The following LMBR1 variants were observed in gnomAD, a reference collection of about 807,000 sequenced individuals.
LMBR1 encodes limb development membrane protein 1, also known as limb region 1 protein homolog.
A neutral mutation model predicts 73.9 loss-of-function variants in LMBR1; 52 were observed. The observed-to-expected ratio is 0.70, with a 90% CI of 0.56 to 0.89. The LOEUF is 0.89. Among genes scored for constraint, LMBR1 ranks in the 40% least tolerant of loss-of-function variants. LMBR1 has a pLI of 0.00. For missense variants in LMBR1, 539 were observed against 579.8 expected, an observed-to-expected ratio of 0.93 and a Z score of 0.72; for synonymous variants, 215 against 209.4, an observed-to-expected ratio of 1.03 and a Z score of -0.23.
At chr7:156,842,334 T>C (rs1196504981) in intron 1 of LMBR1, among the ~76,000 whole-genome samples, 2 of 143,108 alleles carry the variant, frequency 1.4e-5, no homozygotes, top group African/African-American at 2.5e-5. Context: ...CGGGGGGAGA[T>C]TTGTACAGGG....
intron 9 of LMBR1, among the ~76,000 whole-genome samples, chr7:156,739,926 G>A (rs982228138): frequency 6.6e-6 from 1 of 152,106 alleles, no homozygotes; most frequent in African/African-American, 2.4e-5. Context: ...ACCAATCCTG[G>A]AGAAAGAGAA....
chr7:156,823,986 A>C (rs948938133), intron 4 of LMBR1: 6 of 152,208 alleles, frequency 3.9e-5, no homozygotes, highest in Non-Finnish European at 8.8e-5. Context: ...GCTACTTAGG[A>C]GGCTGAGGCA....
At chr7:156,674,136 C>T (rs1429771973), downstream of LMBR1, among the ~76,000 whole-genome samples, 1 of 152,210 alleles carries the variant, frequency 6.6e-6, no homozygotes, top group African/African-American at 2.4e-5. Flanking sequence ...AATAACCCCC[C>T]GAATTTCAGT....
At chr7:156,842,468 C>A (rs936880530) in intron 1 of LMBR1, among the ~76,000 whole-genome samples, 1 of 152,130 alleles carries the variant, frequency 6.6e-6, no homozygotes, top group African/African-American at 2.4e-5. Context: ...AGTGACCTTG[C>A]AGCTGCGCAG....
intron 15 of LMBR1, among the ~76,000 whole-genome samples, chr7:156,696,015 A>T (rs1808210912): frequency 6.6e-6 from 1 of 152,240 alleles, no homozygotes; most frequent in South Asian, 2.1e-4. Context: ...CAGTATGGAA[A>T]AAAACCCCTC....
At chr7:156,687,956 A>G (rs1806324318) in intron 16 of LMBR1, 74 bp downstream of exon 16, 2 of 1,319,106 alleles carry the variant, frequency 1.5e-6, no homozygotes, top group South Asian at 3.1e-5. Flanking sequence ...AAATAGCTGA[A>G]GATGTAATAT....
At chr7:156,749,996 G>C (rs1211251026) in intron 9 of LMBR1, among the ~76,000 whole-genome samples, 1 of 152,106 alleles carries the variant, frequency 6.6e-6, no homozygotes, top group Non-Finnish European at 1.5e-5. Flanking sequence ...TGAGAATCAA[G>C]CAGGAAAGTA....
intron 4 of LMBR1, among the ~76,000 whole-genome samples, chr7:156,815,961 T>C (rs965663436): frequency 6.6e-6 from 1 of 152,010 alleles, no homozygotes; most frequent in African/African-American, 2.4e-5. Flanking sequence ...CTTTCTATTG[T>C]TATTGATCCA....
intron 4 of LMBR1, among the ~76,000 whole-genome samples, chr7:156,800,081 T>G (rs1033811227): frequency 6.6e-6 from 1 of 152,200 alleles, no homozygotes; most frequent in Non-Finnish European, 1.5e-5. Flanking sequence ...AAGCAGCAAG[T>G]GCTGATGGAG....
At chr7:156,839,897 A>G (rs1210835264) in intron 1 of LMBR1, among the ~76,000 whole-genome samples, 1 of 152,206 alleles carries the variant, frequency 6.6e-6, no homozygotes, top group Non-Finnish European at 1.5e-5. Context: ...AAGATGGGCC[A>G]AAGAGGAAAA....
intron 5 of LMBR1, chr7:156,779,709 G>T (rs1177781916): frequency 1.6e-6 from 2 of 1,284,884 alleles, no homozygotes; most frequent in Non-Finnish European, 2.0e-6. Context: ...TTTAAACAAG[G>T]TTTTGCCTGG....
At chr7:156,703,993 A>G (rs1294606798) in intron 15 of LMBR1, among the ~76,000 whole-genome samples, 1 of 152,194 alleles carries the variant, frequency 6.6e-6, no homozygotes, top group Admixed American at 6.5e-5. Context: ...ACAAGGGCAA[A>G]GTGCTTGGAA....
chr7:156,675,388 T>A (rs1217116320), downstream of LMBR1, among the ~76,000 whole-genome samples: 2 of 152,196 alleles, frequency 1.3e-5, no homozygotes, highest in Non-Finnish European at 2.9e-5. Context: ...CGGTCCCTCC[T>A]GCAGCTGTCA....
intron 1 of LMBR1, among the ~76,000 whole-genome samples, chr7:156,891,099 G>A (rs1343441237): frequency 1.4e-5 from 2 of 147,602 alleles, no homozygotes; most frequent in South Asian, 2.1e-4. Context: ...GCTGAGGTAG[G>A]AGAATCACTT....
intron 4 of LMBR1, among the ~76,000 whole-genome samples, chr7:156,797,812 T>A (rs1308596950): frequency 6.6e-6 from 1 of 152,344 alleles, no homozygotes; most frequent in South Asian, 2.1e-4. Flanking sequence ...AAAATCTACA[T>A]GGATTTAACA....
downstream of LMBR1, among the ~76,000 whole-genome samples, chr7:156,675,288 G>A (rs557620656): frequency 6.6e-6 from 1 of 152,344 alleles, no homozygotes; most frequent in Admixed American, 6.5e-5. Context: ...CCTGTGTGCT[G>A]TCTCCTCCCG....
chr7:156,759,254 C>CA lies in LMBR1; in HGVS notation c.685-2790dup, dbSNP rs1260411034. 2.6e-5 allele frequency among the ~76,000 whole-genome samples: 4 copies of CA among 152,246 alleles called. No individual in the cohort carries two copies. In the East Asian group the frequency reaches 7.7e-4, roughly 29 times the overall value. ...CATCTTATCTGACAGCTTAAATTAC[C>CA]AAAAGAAAGGCATTTCAATTAGAGG... is the stretch of plus-strand genomic sequence containing the variant. On this transcript the variant is annotated intron_variant, in intron 8 of 16. Transcript: ENST00000353442.
At chr7:156,810,202 T>C (rs560181433) in intron 4 of LMBR1, among the ~76,000 whole-genome samples, 9 of 152,118 alleles carry the variant, frequency 5.9e-5, no homozygotes, top group Non-Finnish European at 8.8e-5. Flanking sequence ...AGCTGGCATA[T>C]GCAGAGATCA....
intron 5 of LMBR1, among the ~76,000 whole-genome samples, chr7:156,781,282 G>T (rs1827091405): frequency 6.6e-6 from 1 of 152,010 alleles, no homozygotes; most frequent in African/African-American, 2.4e-5. Flanking sequence ...TACACAAAAA[G>T]CACTAGAAAT....
Sources: gnomAD v4.1 joint callset for allele counts (sites outside exome capture counted in the v4.1 genomes callset) on GRCh38, gnomAD v4.1.1 for gene constraint, MANE v1.5 for transcripts, NCBI Gene and HGNC (gene_info 2026-07-23, HGNC 2026-07-21) for gene names.